The following OPCML variants were observed in gnomAD, a reference collection of about 807,000 sequenced individuals.
OPCML encodes the protein opioid binding protein/cell adhesion molecule like, also known as opioid-binding protein/cell adhesion molecule.
A neutral mutation model predicts 37.8 loss-of-function variants in OPCML; 13 were observed. That is an observed-to-expected ratio of 0.34 (90% CI 0.22 to 0.55). The LOEUF is 0.55. Among genes scored for constraint, OPCML ranks in the 20% least tolerant of loss-of-function variants. The pLI is 0.91. For missense variants in OPCML, 341 were observed against 435.6 expected (o/e 0.78, Z 1.93); for synonymous variants, 176 against 168.8 (o/e 1.04, Z -0.33).
In OPCML at chr11:133,105,362, C is replaced by T. The variant is rs183797572; in HGVS notation, c.62-162352G>A. ...GTAAACAAGATTTTTATAATTACAT[C>T]ATACAAAAAAAAGATTTTCTAGGTT... On this transcript the variant is annotated intron_variant, in intron 1 of 7. Coordinates refer to ENST00000524381, the MANE Select transcript of OPCML (RefSeq NM_001012393.5). Among the ~76,000 whole-genome samples the T allele has an allele frequency of 2.6e-5, 4 of 151,964 alleles. No homozygotes were observed. In the East Asian group the frequency reaches 7.8e-4, roughly 29 times the overall value.
chr11:133,221,290 C>T (rs1043334572), intron 1 of OPCML, among the ~76,000 whole-genome samples: 2 of 152,162 alleles, frequency 1.3e-5, no homozygotes, highest in African/African-American at 4.8e-5. Flanking sequence ...CAGGTTGGTT[C>T]GTAGGGAAAG....
intron 1 of OPCML, among the ~76,000 whole-genome samples, chr11:133,294,470 G>A (rs1942571369): frequency 6.6e-6 from 1 of 151,974 alleles, no homozygotes. Flanking sequence ...TAATGCATAG[G>A]GTTAAAGGTC....
chr11:132,462,607 A>C (rs562294064), intron 4 of OPCML, among the ~76,000 whole-genome samples: 2 of 152,246 alleles, frequency 1.3e-5, no homozygotes, highest in Non-Finnish European at 2.9e-5. Context: ...TAAGGCTCTT[A>C]GAGCAGGTTC....
At position 133,206,524 on chromosome 11, in the gene OPCML, C is replaced by T. The variant is rs1939068815; in HGVS notation, c.62-263514G>A. On this transcript the variant is annotated intron_variant, in intron 1 of 7. Transcript: ENST00000524381. This position sits in a 1 kb window ranked among gnomAD's most constrained non-coding sequence, Gnocchi z 4.7. The stretch of plus-strand genomic sequence containing the variant: ...AAGCGTGTTAAGAGAGGAAGAGAAA[C>T]ACCCTGTACTCTCAGAAACATTTGC... Among the ~76,000 whole-genome samples, 1 of 152,164 alleles carries T rather than the reference C, an allele frequency of 6.6e-6. No individual in the cohort carries two copies. The highest frequency in any genetic ancestry group is 1.5e-5 in the Non-Finnish European group (1 of 68,034).
At chr11:132,457,042 G>C (rs968430243) in intron 4 of OPCML, among the ~76,000 whole-genome samples, 1 of 152,150 alleles carries the variant, frequency 6.6e-6, no homozygotes, top group African/African-American at 2.4e-5. Flanking sequence ...AAGACAGGAG[G>C]CCACAGAACC....
intron 2 of OPCML, among the ~76,000 whole-genome samples, chr11:132,858,499 G>A (rs369282727): frequency 6.6e-6 from 1 of 152,178 alleles, no homozygotes; most frequent in African/African-American, 2.4e-5. Flanking sequence ...AAGGGCAATG[G>A]GAGTGACCCG....
intron 1 of OPCML, among the ~76,000 whole-genome samples, chr11:132,949,806 G>A (rs1439143686): frequency 2.0e-5 from 3 of 152,158 alleles, no homozygotes; most frequent in African/African-American, 7.2e-5. Context: ...TTTTCTGCAC[G>A]GGTGTGTAAG....
At chr11:133,228,474 G>A (rs1448937396) in intron 1 of OPCML, among the ~76,000 whole-genome samples, 1 of 152,256 alleles carries the variant, frequency 6.6e-6, no homozygotes, top group African/African-American at 2.4e-5. Context: ...ATCTCAGAGA[G>A]AGTTTTCAAA....
chr11:133,019,210 G>T (rs955081900), intron 1 of OPCML, among the ~76,000 whole-genome samples: 2 of 152,194 alleles, frequency 1.3e-5, no homozygotes, highest in Non-Finnish European at 2.9e-5. Context: ...ACTCCCATTT[G>T]CAAGACAGTG....
chr11:132,521,144 T>G (rs2096292405), intron 4 of OPCML, among the ~76,000 whole-genome samples: 2 of 152,192 alleles, frequency 1.3e-5, no homozygotes, highest in African/African-American at 2.4e-5. Context: ...ATGATGAGCT[T>G]TTTTTCATGT....
At chr11:132,435,024 G>A in intron 7 of OPCML, 1 of 438,516 alleles carries the variant, frequency 2.3e-6, no homozygotes, top group Non-Finnish European at 4.4e-6. Context: ...TGTAAACCAA[G>A]CCCCTTGAGG....
At chr11:132,506,251 G>T (rs2096256578) in intron 4 of OPCML, among the ~76,000 whole-genome samples, 1 of 152,178 alleles carries the variant, frequency 6.6e-6, no homozygotes, top group African/African-American at 2.4e-5. Flanking sequence ...TGTTATGATT[G>T]TATCTCTAGC....
intron 3 of OPCML, among the ~76,000 whole-genome samples, chr11:132,584,158 G>T (rs957296343): frequency 6.6e-6 from 1 of 152,068 alleles, no homozygotes. Flanking sequence ...ACAAAATGAG[G>T]AGTTTATATA....
intron 3 of OPCML, among the ~76,000 whole-genome samples, chr11:132,594,455 T>C (rs1298574947): frequency 6.6e-6 from 1 of 152,188 alleles, no homozygotes; most frequent in Non-Finnish European, 1.5e-5. Context: ...GGAGTAATAG[T>C]ATGTATATAT....
At chr11:132,496,282 G>C (rs1203627032) in intron 4 of OPCML, among the ~76,000 whole-genome samples, 1 of 152,124 alleles carries the variant, frequency 6.6e-6, no homozygotes, top group African/African-American at 2.4e-5. Context: ...GTCTGAAGGG[G>C]GAGATGTTAT....
chr11:132,568,775 A>C (rs1162378548), intron 3 of OPCML, among the ~76,000 whole-genome samples: 5 of 152,224 alleles, frequency 3.3e-5, no homozygotes, highest in African/African-American at 1.2e-4. Context: ...GTAGTGGTGT[A>C]TGATGGTAGC....
At chr11:133,025,416 T>C (rs1947533252) in intron 1 of OPCML, 1 of 985,302 alleles carries the variant, frequency 1.0e-6, no homozygotes, top group East Asian at 1.1e-4. Context: ...AAAATGTGTG[T>C]CTCAGGTGAA....
At chr11:132,647,636 G>A (rs368693419) in intron 3 of OPCML, among the ~76,000 whole-genome samples, 73 of 152,210 alleles carry the variant, frequency 4.8e-4, no homozygotes, top group African/African-American at 1.5e-3. Context: ...CAAGTGGATC[G>A]TCATAAAGGT....
intron 1 of OPCML, among the ~76,000 whole-genome samples, chr11:133,018,800 GT>G (rs1947388951): frequency 6.6e-6 from 1 of 152,178 alleles, no homozygotes. Flanking sequence ...ACGCTGTGTC[GT>G]CCCCCCAGCA....
Sources: allele counts gnomAD v4.1 joint callset (sites outside exome capture counted in the v4.1 genomes callset), GRCh38; gene constraint gnomAD v4.1.1; non-coding constraint Gnocchi (gnomAD v3.1); transcripts MANE v1.5; gene names NCBI Gene and HGNC (gene_info 2026-07-23, HGNC 2026-07-21).